The following STK3 variants were observed in gnomAD, a reference collection of about 807,000 sequenced individuals.
The protein encoded by STK3 is serine/threonine-protein kinase 3.
Under a neutral mutation model 58.0 loss-of-function variants are expected in STK3, and 41 were observed. The ratio of observed to expected loss-of-function variants is 0.71; its 90% CI spans 0.55 to 0.92. The LOEUF is 0.92. Ranked by LOEUF, STK3 falls within the 40% of genes least tolerant of loss-of-function variation. STK3 has a pLI of 0.00. For synonymous variants in STK3, 170 were observed against 191.0 expected (o/e 0.89, Z 0.91); for missense variants, 479 against 602.7 (o/e 0.79, Z 2.15).
chr8:98,770,352 G>A (rs897206846), intron 2 of STK3, among the ~76,000 whole-genome samples: 5 of 152,202 alleles, frequency 3.3e-5, no homozygotes, highest in African/African-American at 1.2e-4. Flanking sequence ...TAAAAAAGTT[G>A]CAAGATTTTG....
At chr8:98,813,738 C>G (rs994239796) in intron 1 of STK3, among the ~76,000 whole-genome samples, 6 of 152,226 alleles carry the variant, frequency 3.9e-5, no homozygotes, top group Admixed American at 6.5e-5. Context: ...ACAAAATTAA[C>G]AAACACTGCA....
At chr8:98,567,736 A>G (rs1262390247) in intron 8 of STK3, among the ~76,000 whole-genome samples, 3 of 152,146 alleles carry the variant, frequency 2.0e-5, no homozygotes, top group Non-Finnish European at 2.9e-5. Flanking sequence ...ATTTATAAAG[A>G]GATCATATTA....
intron 1 of STK3, among the ~76,000 whole-genome samples, chr8:98,917,422 C>T (rs543043421): frequency 2.0e-5 from 3 of 152,216 alleles, no homozygotes; most frequent in South Asian, 2.1e-4. Context: ...ATGGATTGAA[C>T]GTTTGTGACC....
At chr8:98,536,352 T>C (rs1405968137) in intron 9 of STK3, among the ~76,000 whole-genome samples, 5 of 151,892 alleles carry the variant, frequency 3.3e-5, no homozygotes, top group South Asian at 2.1e-4. Flanking sequence ...TTTTGGGAGG[T>C]TGAGGCAGGA....
intron 4 of STK3, among the ~76,000 whole-genome samples, chr8:98,718,697 TATG>T (rs1314402870): frequency 1.3e-5 from 2 of 152,150 alleles, no homozygotes; most frequent in South Asian, 2.1e-4. Flanking sequence ...CATATTATGT[TATG>T]ATATTAATAT....
At chr8:98,781,921 AT>A (rs1261031668) in intron 1 of STK3, 5 of 152,362 alleles carry the variant, frequency 3.3e-5, no homozygotes, top group African/African-American at 1.2e-4. Context: ...AAAACCTCTT[AT>A]GAATATACTT....
At chr8:98,610,642 A>C (rs944218169) in intron 6 of STK3, among the ~76,000 whole-genome samples, 3 of 152,160 alleles carry the variant, frequency 2.0e-5, no homozygotes, top group Admixed American at 6.5e-5. Context: ...AAAAGCAGGG[A>C]AGATGCCCGC....
At chr8:98,545,617 A>G (rs1810638963) in intron 9 of STK3, among the ~76,000 whole-genome samples, 1 of 152,186 alleles carries the variant, frequency 6.6e-6, no homozygotes, top group African/African-American at 2.4e-5. Flanking sequence ...GTAAGTGTAA[A>G]CATAATTTAA....
At chr8:98,372,015 T>G (rs1817615458) in intron 2 of STK3, among the ~76,000 whole-genome samples, 1 of 152,078 alleles carries the variant, frequency 6.6e-6, no homozygotes, top group Non-Finnish European at 1.5e-5. Context: ...ATATGACTAG[T>G]GCCCTTTTAA....
chr8:98,357,296 C>T, the STK3 span, among the ~76,000 whole-genome samples: 1 of 152,158 alleles, frequency 6.6e-6, no homozygotes, highest in African/African-American at 2.4e-5. Flanking sequence ...CCTGGGTCTC[C>T]AGGTAAAACC....
intron 10 of STK3, among the ~76,000 whole-genome samples, chr8:98,506,252 G>GA (rs2131383656): frequency 6.6e-6 from 1 of 152,310 alleles, no homozygotes; most frequent in South Asian, 2.1e-4. Context: ...AAGACCACTG[G>GA]AAAATCACAG....
At chr8:98,450,414 C>T (rs1819147247), downstream of STK3, among the ~76,000 whole-genome samples, 1 of 152,148 alleles carries the variant, frequency 6.6e-6, no homozygotes, top group African/African-American at 2.4e-5. Flanking sequence ...ATTTGATCTT[C>T]CCAATTGCTG....
At chr8:98,564,319 C>T (rs755575197) in intron 8 of STK3, among the ~76,000 whole-genome samples, 6 of 152,114 alleles carry the variant, frequency 3.9e-5, no homozygotes, top group East Asian at 1.9e-4. Context: ...TATCATTTAA[C>T]GTCCTCCAGG....
intron 1 of STK3, among the ~76,000 whole-genome samples, chr8:98,446,826 T>C (rs370389852): frequency 1.1e-4 from 17 of 152,246 alleles, no homozygotes; most frequent in African/African-American, 3.9e-4. Context: ...AGCAAGGACA[T>C]GGATTCAACC....
chr8:98,684,416 G>T (rs1290123444), intron 6 of STK3, among the ~76,000 whole-genome samples: 1 of 152,080 alleles, frequency 6.6e-6, no homozygotes, highest in African/African-American at 2.4e-5. Flanking sequence ...AAAAACAACT[G>T]CTCGATCCTT....
chr8:98,563,165 T>C (rs973204992), intron 8 of STK3, among the ~76,000 whole-genome samples: 5 of 152,100 alleles, frequency 3.3e-5, no homozygotes, highest in African/African-American at 1.2e-4. Context: ...ACATAAGCAG[T>C]GTAACTGATA....
intron 1 of STK3, chr8:98,905,218 G>T: frequency 1.1e-6 from 1 of 917,584 alleles, no homozygotes. Context: ...GTCCGAAGTC[G>T]GGCTTGTGGA....
At chr8:98,614,963 T>C (rs1055259224) in intron 6 of STK3, among the ~76,000 whole-genome samples, 4 of 151,676 alleles carry the variant, frequency 2.6e-5, no homozygotes, top group South Asian at 4.2e-4. Context: ...CCCACCAGAG[T>C]TCAAGGAGGC....
the STK3 span, among the ~76,000 whole-genome samples, chr8:98,354,548 C>T: frequency 6.6e-6 from 1 of 152,194 alleles, no homozygotes; most frequent in Non-Finnish European, 1.5e-5. Context: ...GGCTACCTAC[C>T]TCTAGATTTG....
Sources: gnomAD v4.1 joint callset for allele counts (sites outside exome capture counted in the v4.1 genomes callset) on GRCh38, gnomAD v4.1.1 for gene constraint, MANE v1.5 for transcripts, NCBI Gene and HGNC (gene_info 2026-07-23, HGNC 2026-07-21) for gene names.